MED13L: variants seen among roughly 807,000 people sequenced by gnomAD.
MED13L encodes mediator of RNA polymerase II transcription subunit 13-like.
MED13L carries 7 observed loss-of-function variants against 220.9 expected under a neutral mutation model. The ratio of observed to expected loss-of-function variants is 0.03; its 90% CI spans 0.02 to 0.06. MED13L has a LOEUF of 0.06. Ranked by LOEUF, MED13L falls within the 10% of genes least tolerant of loss-of-function variation. The pLI is 1.00. For synonymous variants in MED13L, 1,011 were observed against 1,015.2 expected (o/e 1.00, Z 0.08); for missense variants, 1,965 against 2,760.5 (o/e 0.71, Z 6.46).
rs559793366 is a variant in MED13L at position 116,001,802 on chromosome 12, C to T, written c.2569+1201G>A. 1.1e-4 allele frequency among the ~76,000 whole-genome samples: 17 copies of T among 152,226 alleles called. No individual in the cohort carries two copies. In the East Asian group the frequency reaches 3.3e-3, roughly 29 times the overall value. ...TAAAATTTTGAATTTTGAGTAGCTT[C>T]TTTTTGAAATAATTCTTTTTTGGAT... On this transcript the variant is annotated intron_variant, in intron 14 of 30. Transcript: ENST00000281928.
In MED13L at chr12:115,992,027, C is replaced by A. The variant is rs910305098; in HGVS notation, c.2997-70G>T. 28 of 1,297,354 alleles carry A rather than the reference C, an allele frequency of 2.2e-5. No homozygotes were observed. The East Asian group carries it at 5.3e-4, about 24-fold the overall frequency. The allele number at this position is 1,297,354 out of a possible 1,614,324, so 80.4% of individuals were successfully genotyped here. A position where few individuals can be genotyped will look rare whatever the true frequency, so the allele number is the denominator to read the frequency against. On this transcript the variant is annotated intron_variant, in intron 16 of 30. Coordinates refer to ENST00000281928, the MANE Select transcript of MED13L (RefSeq NM_015335.5). ...AGATGCTGAACTAGACACATGATCA[C>A]CCCAGCCATGTACTGTGTATTTCTT...
At chr12:116,132,567 C>CA (rs1555214589) in intron 2 of MED13L, among the ~76,000 whole-genome samples, 1 of 148,664 alleles carries the variant, frequency 6.7e-6, no homozygotes, top group Non-Finnish European at 1.5e-5. Context: ...TTTCTACTTG[C>CA]TTTTTTTTTT....
intron 4 of MED13L, among the ~76,000 whole-genome samples, chr12:116,026,427 T>C (rs1008739787): frequency 6.6e-6 from 1 of 152,128 alleles, no homozygotes; most frequent in Non-Finnish European, 1.5e-5. Context: ...ATAGTGGAAA[T>C]ATAACAGAAG....
At chr12:116,045,604 T>A (rs1881786592) in intron 4 of MED13L, among the ~76,000 whole-genome samples, 1 of 152,136 alleles carries the variant, frequency 6.6e-6, no homozygotes, top group African/African-American at 2.4e-5. Flanking sequence ...CTGGTAATAG[T>A]ATATATGTGG....
At chr12:116,274,701 C>CGGA (rs902492600) in intron 1 of MED13L, among the ~76,000 whole-genome samples, 41 of 151,720 alleles carry the variant, frequency 2.7e-4, no homozygotes, top group African/African-American at 9.4e-4. Context: ...ACCTTATCCA[C>CGGA]ACTCCACGTA....
At chr12:116,205,316 G>A (rs996280060) in intron 2 of MED13L, among the ~76,000 whole-genome samples, 1 of 151,894 alleles carries the variant, frequency 6.6e-6, no homozygotes, top group Non-Finnish European at 1.5e-5. Flanking sequence ...TTTTTTTCAA[G>A]TCGTGTTTTT....
At chr12:116,126,693 G>A (rs934356094) in intron 2 of MED13L, among the ~76,000 whole-genome samples, 9 of 152,116 alleles carry the variant, frequency 5.9e-5, no homozygotes, top group African/African-American at 2.2e-4. Flanking sequence ...TGAGCCACTG[G>A]GCAATGCTAA....
At chr12:116,089,634 T>C (rs1051542986) in intron 4 of MED13L, among the ~76,000 whole-genome samples, 2 of 152,162 alleles carry the variant, frequency 1.3e-5, no homozygotes, top group African/African-American at 2.4e-5. Flanking sequence ...TTTTCCAAAT[T>C]AAAATTAAGA....
rs763028507 is a variant in MED13L, at chr12:115,970,575, A to C, written c.6067+19T>G. On this transcript the variant is annotated intron_variant, in intron 27 of 30. Transcript: ENST00000281928. ...CCCTGCATGAAGGTGAGCACTATCC[A>C]TACAGGTCTTCTACTCACCATTGTT... is the stretch of plus-strand genomic sequence containing the variant. 11 of 1,612,180 alleles carry C rather than the reference A, an allele frequency of 6.8e-6. No individual in the cohort carries two copies. The East Asian group carries it at 2.5e-4, about 36-fold the overall frequency.
At position 116,164,812 on chromosome 12, in the gene MED13L, A is replaced by G. The variant is rs551008776; in HGVS notation, c.311-53300T>C. Among the ~76,000 whole-genome samples, 7 of 152,318 alleles carry G rather than the reference A, an allele frequency of 4.6e-5. No homozygotes were observed. The East Asian group carries it at 1.4e-3, about 29-fold the overall frequency. Reference sequence around the variant, plus strand: ...AGGTATAGAATGAATTTTAGCCTGAAATGTAGGCTATAGCAAATATACAAT... The same window carrying G: ...AGGTATAGAATGAATTTTAGCCTGAGATGTAGGCTATAGCAAATATACAAT... On this transcript the variant is annotated intron_variant, in intron 2 of 30. Transcript: ENST00000281928.
At chr12:115,989,984 AAACC>A (rs1299197442) in intron 17 of MED13L, among the ~76,000 whole-genome samples, 1 of 152,162 alleles carries the variant, frequency 6.6e-6, no homozygotes, top group Admixed American at 6.5e-5. Flanking sequence ...CTTCTTCTTA[AAACC>A]TTTCAATGAC....
At position 116,022,534 on chromosome 12, in the gene MED13L, T is replaced by C; in HGVS notation, c.547A>G (p.Ile183Val). The change falls in exon 5 of 31, where the codon ATT (isoleucine) becomes GTT (valine). Residue 183 changes from isoleucine to valine, a missense_variant. Ile to Val is a conservative substitution (Grantham distance 29, BLOSUM62 3). Coordinates refer to ENST00000281928, the MANE Select transcript of MED13L (RefSeq NM_015335.5). ...AAATAAATTGGCTGGTGCTGGGCAA[T>C]CTCCACACTTGTGCATACATTACTT... ...GESNVCTSVE[I>V]AQHQPIYLIN... 1 of 1,613,468 alleles carries C rather than the reference T, an allele frequency of 6.2e-7. No homozygotes were observed. The highest frequency in any genetic ancestry group is 8.5e-7 in the Non-Finnish European group (1 of 1,179,768).
intron 27 of MED13L, 145 bp downstream of exon 27, chr12:115,970,449 T>C (rs1054628452): frequency 9.0e-6 from 7 of 774,656 alleles, no homozygotes; most frequent in South Asian, 1.8e-5. Flanking sequence ...TAAGACCAAA[T>C]AGATTCTCAA....
At chr12:116,174,712 T>G (rs751934386) in intron 2 of MED13L, 3 of 152,154 alleles carry the variant, frequency 2.0e-5, no homozygotes, top group African/African-American at 4.8e-5. Context: ...GCTTCTAGAG[T>G]TGTCTAAGTG....
At chr12:115,970,314 TAAGTACAG>T (rs974157977) in intron 27 of MED13L, among the ~76,000 whole-genome samples, 5 of 152,204 alleles carry the variant, frequency 3.3e-5, no homozygotes, top group Admixed American at 2.6e-4. Flanking sequence ...GAGTGGCACC[TAAGTACAG>T]AACAGTGCCA....
At chr12:116,121,671 G>A (rs1221991568) in intron 2 of MED13L, among the ~76,000 whole-genome samples, 1 of 152,146 alleles carries the variant, frequency 6.6e-6, no homozygotes, top group Non-Finnish European at 1.5e-5. Flanking sequence ...TTTCCTCTGA[G>A]CTATGATACA....
intron 1 of MED13L, among the ~76,000 whole-genome samples, chr12:116,263,417 C>T (rs1026174430): frequency 3.3e-5 from 5 of 152,102 alleles, no homozygotes; most frequent in African/African-American, 1.2e-4. Context: ...GTAATCTAAA[C>T]AACTAGTAGA....
intron 5 of MED13L, among the ~76,000 whole-genome samples, chr12:116,021,742 T>C (rs879171469): frequency 6.6e-5 from 10 of 152,240 alleles, no homozygotes; most frequent in South Asian, 2.1e-4. Flanking sequence ...CAAAAAAAGA[T>C]TGTTTCCATA....
intron 4 of MED13L, among the ~76,000 whole-genome samples, chr12:116,050,984 T>A (rs914548710): frequency 6.6e-6 from 1 of 151,998 alleles, no homozygotes; most frequent in African/African-American, 2.4e-5. Flanking sequence ...TCTTCAAATA[T>A]AAGTGCTCAT....
Sources: gnomAD v4.1 joint callset for allele counts (sites outside exome capture counted in the v4.1 genomes callset) on GRCh38, gnomAD v4.1.1 for gene constraint, MANE v1.5 for transcripts, NCBI Gene and HGNC (gene_info 2026-07-23, HGNC 2026-07-21) for gene names.